The following GDA variants were observed in gnomAD, a reference collection of about 807,000 sequenced individuals.
GDA encodes the protein guanine deaminase, also known as cytoplasmic PSD-95 interactor.
GDA carries 18 observed loss-of-function variants against 59.6 expected under a neutral mutation model. That is an observed-to-expected ratio of 0.30 (90% CI 0.21 to 0.45). The LOEUF is 0.45. Among genes scored for constraint, GDA ranks in the 20% least tolerant of loss-of-function variants. The pLI is 1.00. For missense variants in GDA, 427 were observed against 552.3 expected, an observed-to-expected ratio of 0.77 and a Z score of 2.27; for synonymous variants, 201 against 201.1, an observed-to-expected ratio of 1.00 and a Z score of 0.00.
intron 10 of GDA, among the ~76,000 whole-genome samples, chr9:72,233,697 C>A (rs1838627743): frequency 6.6e-6 from 1 of 152,112 alleles, no homozygotes; most frequent in Admixed American, 6.6e-5. Flanking sequence ...ATCCCACCAC[C>A]CTGGAAGGCC....
downstream of GDA, among the ~76,000 whole-genome samples, chr9:72,256,012 T>C (rs1437941345): frequency 6.6e-6 from 1 of 152,204 alleles, no homozygotes; most frequent in Non-Finnish European, 1.5e-5. Flanking sequence ...TGTAGTACTG[T>C]AGACCATTTA....
chr9:72,179,241 G>A (rs543173830), intron 1 of GDA, among the ~76,000 whole-genome samples: 40 of 152,308 alleles, frequency 2.6e-4, no homozygotes, highest in African/African-American at 9.1e-4. Context: ...TATTGTATCA[G>A]TAGTGGTGTC....
At position 72,231,115 on chromosome 9, in the gene GDA, C is replaced by A; in HGVS notation, c.922C>A (p.Leu308Ile). Residue 308 changes from leucine (L) to isoleucine (I), a missense_variant and splice_region_variant, in exon 10 of 14, where the codon CTC (leucine) becomes ATC (isoleucine). By Grantham distance (5) the Leu-to-Ile change is conservative (BLOSUM62 2). Coordinates refer to ENST00000358399, the MANE Select transcript of GDA (RefSeq NM_004293.5). ...IAHCPNSNLS[L>I]SSGFLNVLEV... ...TTCTGACATCTCCTCTCTCTACAGGCTCAGCAGTGGATTTCTAAATGTGCT... is the reference window on the plus strand; with the variant it reads ...TTCTGACATCTCCTCTCTCTACAGGATCAGCAGTGGATTTCTAAATGTGCT... 4 of 1,567,652 alleles carry A rather than the reference C, an allele frequency of 2.6e-6. No individual in the cohort carries two copies. Among genetic ancestry groups the A allele is most frequent in the Non-Finnish European group, 3.5e-6 (4 of 1,137,742 alleles).
chr9:72,205,027 GC>G (rs1247492286), intron 3 of GDA, among the ~76,000 whole-genome samples: 1 of 147,034 alleles, frequency 6.8e-6, no homozygotes, highest in Non-Finnish European at 1.5e-5. Context: ...CATGAGAATC[GC>G]CTGAACCCGG....
intron 1 of GDA, among the ~76,000 whole-genome samples, chr9:72,155,133 G>A (rs566313761): frequency 6.6e-6 from 1 of 152,262 alleles, no homozygotes; most frequent in Admixed American, 6.5e-5. Flanking sequence ...CCTGAGACTG[G>A]GAAGAAAAAG....
intron 1 of GDA, among the ~76,000 whole-genome samples, chr9:72,140,203 T>A (rs2130648681): frequency 6.6e-6 from 1 of 152,294 alleles, no homozygotes; most frequent in African/African-American, 2.4e-5. Flanking sequence ...TTGTGGCAAA[T>A]AAGATGATGA....
intron 4 of GDA, among the ~76,000 whole-genome samples, chr9:72,211,996 A>AGAGGCAGG: frequency 6.6e-6 from 1 of 152,204 alleles, no homozygotes; most frequent in Non-Finnish European, 1.5e-5. Flanking sequence ...AGAGAGGCAG[A>AGAGGCAGG]AAGGTTTTTA....
At chr9:72,169,968 G>C (rs549791362) in intron 1 of GDA, among the ~76,000 whole-genome samples, 1 of 152,286 alleles carries the variant, frequency 6.6e-6, no homozygotes, top group Admixed American at 6.5e-5. Flanking sequence ...GTATCTAAGC[G>C]TCCAGGAGGA....
At chr9:72,179,326 C>T (rs1184232216) in intron 1 of GDA, among the ~76,000 whole-genome samples, 1 of 152,194 alleles carries the variant, frequency 6.6e-6, no homozygotes, top group Non-Finnish European at 1.5e-5. Flanking sequence ...AGAACTTTTA[C>T]AGTTCACTGG....
At chr9:72,172,650 T>G (rs1260425750) in intron 1 of GDA, among the ~76,000 whole-genome samples, 1 of 152,204 alleles carries the variant, frequency 6.6e-6, no homozygotes, top group Non-Finnish European at 1.5e-5. Flanking sequence ...CATACCTGGA[T>G]GTGGCCTGTG....
At chr9:72,196,197 C>T (rs58094149) in intron 2 of GDA, among the ~76,000 whole-genome samples, 4,028 of 151,766 alleles carry the variant, frequency 0.027, 181 homozygotes, top group African/African-American at 0.092. Context: ...AATGATTGGG[C>T]CAGCCAGGCA....
chr9:72,194,978 ACAC>A (rs1832974707), intron 1 of GDA, among the ~76,000 whole-genome samples: 1 of 152,142 alleles, frequency 6.6e-6, no homozygotes, highest in Non-Finnish European at 1.5e-5. Flanking sequence ...AATGCTCTCC[ACAC>A]CACATCACCA....
At chr9:72,238,941 CA>C (rs1326012709) in intron 10 of GDA, among the ~76,000 whole-genome samples, 2 of 152,160 alleles carry the variant, frequency 1.3e-5, no homozygotes, top group Non-Finnish European at 2.9e-5. Context: ...AGTAACTGAT[CA>C]AAGGTCCGCA....
upstream of GDA, among the ~76,000 whole-genome samples, chr9:72,147,303 G>A (rs1826677397): frequency 1.3e-5 from 2 of 152,170 alleles, no homozygotes; most frequent in South Asian, 4.1e-4. Flanking sequence ...CGCCTCCGGG[G>A]TTCAAGCAAT....
intron 11 of GDA, among the ~76,000 whole-genome samples, chr9:72,243,900 G>A (rs1839877767): frequency 1.3e-5 from 2 of 152,178 alleles, no homozygotes; most frequent in South Asian, 2.1e-4. Context: ...ATAAGGCTGA[G>A]CACAGTGGCT....
At chr9:72,138,856 A>G (rs912261549) in intron 1 of GDA, among the ~76,000 whole-genome samples, 1 of 152,262 alleles carries the variant, frequency 6.6e-6, no homozygotes, top group Admixed American at 6.5e-5. Flanking sequence ...GATTGGGGAA[A>G]GGCGAGAACT....
At chr9:72,189,416 G>T (rs1259454666) in intron 1 of GDA, among the ~76,000 whole-genome samples, 1 of 151,812 alleles carries the variant, frequency 6.6e-6, no homozygotes, top group African/African-American at 2.4e-5. Flanking sequence ...GGGCGCAATT[G>T]ATCCTCCCAC....
At chr9:72,153,985 A>G (rs1827585396) in intron 1 of GDA, among the ~76,000 whole-genome samples, 1 of 152,140 alleles carries the variant, frequency 6.6e-6, no homozygotes, top group Admixed American at 6.5e-5. Context: ...ATAGACTCTA[A>G]CATGTTTAAT....
intron 1 of GDA, among the ~76,000 whole-genome samples, chr9:72,126,564 G>GTATTT (rs1825854262): frequency 1.2e-5 from 1 of 85,918 alleles, no homozygotes; most frequent in African/African-American, 4.3e-5. Flanking sequence ...AACCTGGTTA[G>GTATTT]TCTTTTTTTT....
Sources: gnomAD v4.1 joint callset for allele counts (sites outside exome capture counted in the v4.1 genomes callset) on GRCh38, gnomAD v4.1.1 for gene constraint, MANE v1.5 for transcripts, NCBI Gene and HGNC (gene_info 2026-07-23, HGNC 2026-07-21) for gene names.